Variants in NLRP9 observed in about 807,000 individuals in gnomAD.
The protein encoded by NLRP9 is NLR family pyrin domain containing 9.
A neutral mutation model predicts 83.1 loss-of-function variants in NLRP9; 88 were observed. The ratio of observed to expected loss-of-function variants is 1.06; its 90% confidence interval spans 0.89 to 1.26. NLRP9 has a LOEUF of 1.26. NLRP9 is among the 50% of genes most tolerant of loss of function. The pLI, the probability that NLRP9 is intolerant of heterozygous loss-of-function variation, is 0.00. For missense variants in NLRP9, 1,308 were observed against 1,179.3 expected, an observed-to-expected ratio of 1.11 and a Z score of -1.60; for synonymous variants, 521 against 447.6, an observed-to-expected ratio of 1.16 and a Z score of -2.07.
chr19:55,732,552 T>C lies in NLRP9; in HGVS notation c.1279A>G (p.Met427Val), dbSNP rs1480834494. Residue 427 changes from methionine to valine, a missense_variant, in exon 2 of 9, where the codon ATG becomes GTG. By Grantham distance (21) the Met-to-Val change is conservative. Transcript: ENST00000332836. ...TGGAGGAGTCTCATACCCACCCACATCACGCCCTCAGACTCAGATAACCCA... is the reference window on the plus strand; with the variant it reads ...TGGAGGAGTCTCATACCCACCCACACCACGCCCTCAGACTCAGATAACCCA... ...RNGLSESEGVMWVGMRLLQRR... is the reference protein window; with the variant it reads ...RNGLSESEGVVWVGMRLLQRR... The C allele has an allele frequency of 6.2e-7, 1 of 1,614,140 alleles. No homozygotes were observed. The highest frequency in any genetic ancestry group is 8.5e-7 in the Non-Finnish European group (1 of 1,180,016).
intron 4 of NLRP9, among the ~76,000 whole-genome samples, chr19:55,720,816 A>C (rs1426481677): frequency 6.6e-6 from 1 of 152,224 alleles, no homozygotes; most frequent in Non-Finnish European, 1.5e-5. Context: ...CCTGTCAATC[A>C]ATTAGAAAAA....
At chr19:55,735,439 A>T (rs1223255950) in intron 1 of NLRP9, among the ~76,000 whole-genome samples, 1 of 152,146 alleles carries the variant, frequency 6.6e-6, no homozygotes, top group Non-Finnish European at 1.5e-5. Flanking sequence ...AAATTAAATT[A>T]AAAAATATGC....
chr19:55,711,008 C>T (rs968450348), intron 8 of NLRP9, among the ~76,000 whole-genome samples: 1 of 151,768 alleles, frequency 6.6e-6, no homozygotes, highest in Non-Finnish European at 1.5e-5. Context: ...ATTCCTTGAG[C>T]CCGGGAGGCA....
intron 6 of NLRP9, 64 bp from the exon 7 acceptor site, chr19:55,712,654 T>C: frequency 7.1e-7 from 1 of 1,407,516 alleles, no homozygotes; most frequent in Non-Finnish European, 9.9e-7. Context: ...GCCCACCTTA[T>C]TTTCATTTAT....
chr19:55,733,940 T>TTTTTTTTA (rs1988693508), intron 1 of NLRP9, among the ~76,000 whole-genome samples: 1 of 145,332 alleles, frequency 6.9e-6, no homozygotes, highest in Non-Finnish European at 1.5e-5. Context: ...TTTTTTTTTT[T>TTTTTTTTA]GAGACGGAGT....
intron 3 of NLRP9, among the ~76,000 whole-genome samples, chr19:55,729,050 C>CTTTTTTTTTTTTT (rs374589373): frequency 2.4e-4 from 17 of 70,248 alleles, no homozygotes; most frequent in Non-Finnish European, 3.5e-4. Context: ...TTTTCTTTTT[C>CTTTTTTTTTTTTT]TTTTTTTTTT....
intron 2 of NLRP9, among the ~76,000 whole-genome samples, chr19:55,731,661 T>C (rs1600141284): frequency 6.7e-6 from 1 of 148,506 alleles, no homozygotes; most frequent in African/African-American, 2.5e-5. Context: ...GAGGTGGAGG[T>C]TGCAGTAGGC....
At chr19:55,716,926 G>A (rs549414312) in intron 4 of NLRP9, 28 bp from the exon 5 acceptor site, 96 of 1,596,872 alleles carry the variant, frequency 6.0e-5, no homozygotes, top group Admixed American at 1.5e-4. Flanking sequence ...ACCATGAGAC[G>A]GACCAAAGCT....
chr19:55,729,913 C>T lies in NLRP9; in HGVS notation c.1912G>A (p.Glu638Lys), dbSNP rs1988521663. 1 of 1,613,766 alleles carries T rather than the reference C, an allele frequency of 6.2e-7. No homozygotes were observed. The highest frequency in any genetic ancestry group is 8.5e-7 in the Non-Finnish European group (1 of 1,179,698). ...TNKNFQILDM[E>K]NTSLDDPSLA... ...GAGGGATCATCGAGGCTGGTATTTT[C>T]CATGTCTAAAATCTGGAAGTTCTTG... Residue 638 changes from glutamate to lysine, a missense_variant, in exon 3 of 9, where the codon GAA (glutamate) becomes AAA (lysine). Transcript: ENST00000332836.
chr19:55,717,627 C>A (rs1350880287), intron 4 of NLRP9, among the ~76,000 whole-genome samples: 1 of 152,168 alleles, frequency 6.6e-6, no homozygotes, highest in East Asian at 1.9e-4. Context: ...ATAGGAAAAC[C>A]CAAACTGTGT....
chr19:55,738,210 T>C lies in NLRP9; in HGVS notation c.165A>G (p.Val55=), dbSNP rs536270771. 4.3e-6 allele frequency: 7 copies of C among 1,614,212 alleles called. No homozygotes were observed. In the South Asian group the frequency reaches 7.7e-5, roughly 18 times the overall value. Residue 55 remains valine (V), a synonymous_variant, in exon 1 of 9, where the codon GTA becomes GTG. Coordinates refer to ENST00000332836, the MANE Select transcript of NLRP9 (RefSeq NM_176820.4). ...AELKKASKED[V]AKLLDKHYPG... Reference sequence around the variant, plus strand: ...GGTAATGTTTGTCCAGCAGCTTTGCTACATCTTCTTTGGAGGCCTTCTTCA... The same window carrying C: ...GGTAATGTTTGTCCAGCAGCTTTGCCACATCTTCTTTGGAGGCCTTCTTCA...
At chr19:55,718,401 T>G (rs778891432) in intron 4 of NLRP9, among the ~76,000 whole-genome samples, 1 of 152,050 alleles carries the variant, frequency 6.6e-6, no homozygotes, top group African/African-American at 2.4e-5. Context: ...TGCTGGTCCC[T>G]GGGAATGGAA....
chr19:55,735,347 G>T (rs1296171241), intron 1 of NLRP9, among the ~76,000 whole-genome samples: 2 of 123,846 alleles, frequency 1.6e-5, no homozygotes, highest in Admixed American at 1.6e-4. Context: ...AGCGCTTTGG[G>T]AGTGCTGAGG....
chr19:55,738,227 C>T lies in NLRP9; in HGVS notation c.148G>A (p.Ala50Thr), dbSNP rs1347130001. 2 of 1,614,036 alleles carry T rather than the reference C, an allele frequency of 1.2e-6. No homozygotes were observed. Among genetic ancestry groups the T allele is most frequent in the South Asian group, 1.1e-5 (1 of 91,082 alleles). The change falls in exon 1 of 9, where the codon GCC (alanine) becomes ACC (threonine). Residue 50 changes from alanine to threonine, a missense_variant. Coordinates refer to ENST00000332836, the MANE Select transcript of NLRP9 (RefSeq NM_176820.4). ...AGCTTTGCTACATCTTCTTTGGAGG[C>T]CTTCTTCAGCTCAGCCCAGGGGATT... ...KPIPWAELKK[A>T]SKEDVAKLLD...
Position 55,732,165 on chromosome 19 carries a change from C to A in NLRP9, c.1666G>T (p.Glu556Ter), listed in dbSNP as rs771925825. Residue 556 changes from glutamate to a stop codon, truncating the protein, a stop_gained, in exon 2 of 9, where the codon GAA becomes TAA. Transcript: ENST00000332836. LOFTEE classifies it high-confidence loss of function. ...AAATTCATCACTTTGGTTACAAATT[C>A]TTTTTCCTGAGTTTCAAACAAACCA... ...FIGLFETQEK[E>*]FVTKVMNFFE... 2 of 1,612,956 alleles carry A rather than the reference C, an allele frequency of 1.2e-6. No individual in the cohort carries two copies. Among genetic ancestry groups the A allele is most frequent in the Admixed American group, 1.7e-5 (1 of 59,682 alleles).
intron 1 of NLRP9, among the ~76,000 whole-genome samples, chr19:55,736,862 A>C (rs991547016): frequency 4.6e-5 from 7 of 151,962 alleles, no homozygotes; most frequent in Admixed American, 6.6e-5. Flanking sequence ...CAAAAAAAAA[A>C]ACAAAAAACT....
At chr19:55,713,292 C>G (rs1318862007) in intron 6 of NLRP9, among the ~76,000 whole-genome samples, 1 of 151,608 alleles carries the variant, frequency 6.6e-6, no homozygotes, top group Non-Finnish European at 1.5e-5. Context: ...CTCCCTAATA[C>G]AGATAGACAG....
intron 7 of NLRP9, 89 bp from the exon 8 acceptor site, chr19:55,712,059 C>A: frequency 7.7e-7 from 1 of 1,293,826 alleles, no homozygotes; most frequent in Admixed American, 1.9e-5. Context: ...ACACACCTCC[C>A]GGCAGGACGC....
chr19:55,716,257 C>CTTTTTTTTTT (rs931275248), intron 5 of NLRP9, among the ~76,000 whole-genome samples: 1 of 117,814 alleles, frequency 8.5e-6, no homozygotes, highest in Non-Finnish European at 1.8e-5. Context: ...TAAAAATTTT[C>CTTTTTTTTTT]TTTTTTTTTT....
Sources: allele counts gnomAD v4.1 joint callset (sites outside exome capture counted in the v4.1 genomes callset), GRCh38; gene constraint gnomAD v4.1.1; transcripts MANE v1.5; gene names NCBI Gene and HGNC (gene_info 2026-07-23, HGNC 2026-07-21).